The following PLXDC2 variants were observed in gnomAD, a reference collection of about 807,000 sequenced individuals.
PLXDC2 encodes the protein plexin domain-containing protein 2.
Under a neutral mutation model 68.9 loss-of-function variants are expected in PLXDC2, and 40 were observed. The ratio of observed to expected loss-of-function variants is 0.58; its 90% CI spans 0.45 to 0.76. The LOEUF is 0.76. Ranked by LOEUF, PLXDC2 falls within the 30% of genes least tolerant of loss-of-function variation. The pLI, the probability that PLXDC2 is intolerant of heterozygous loss-of-function variation, is 0.00. For synonymous variants in PLXDC2, 243 were observed against 234.2 expected, an observed-to-expected ratio of 1.04 and a Z score of -0.34; for missense variants, 644 against 661.9, an observed-to-expected ratio of 0.97 and a Z score of 0.30.
chr10:20,011,641 C>T (rs1171687133), intron 2 of PLXDC2, among the ~76,000 whole-genome samples: 1 of 152,112 alleles, frequency 6.6e-6, no homozygotes, highest in Non-Finnish European at 1.5e-5. Flanking sequence ...TCGATTAGGC[C>T]TTAAAGACTA....
intron 1 of PLXDC2, among the ~76,000 whole-genome samples, chr10:19,861,412 T>G (rs1243044834): frequency 6.6e-6 from 1 of 152,132 alleles, no homozygotes; most frequent in Non-Finnish European, 1.5e-5. Context: ...TCTTCTTGCC[T>G]GATTGGTCTT....
chr10:20,209,530 A>AAT (rs985534597), intron 9 of PLXDC2, among the ~76,000 whole-genome samples: 7 of 12,054 alleles, frequency 5.8e-4, no homozygotes, highest in African/African-American at 3.0e-3. Context: ...GTATAATAAT[A>AAT]AAAAAAAAGA....
At chr10:20,082,616 T>G (rs1425944058) in intron 4 of PLXDC2, among the ~76,000 whole-genome samples, 2 of 152,194 alleles carry the variant, frequency 1.3e-5, no homozygotes, top group Admixed American at 1.3e-4. Flanking sequence ...GTAAAGAAAC[T>G]CTCAAGCTTT....
intron 4 of PLXDC2, among the ~76,000 whole-genome samples, chr10:20,074,639 G>T (rs1836403989): frequency 2.6e-5 from 4 of 151,898 alleles, no homozygotes; most frequent in Admixed American, 6.6e-5. Flanking sequence ...GCTTTCAAAT[G>T]GTAATATTTT....
At chr10:20,230,373 A>T (rs1835344566) in intron 12 of PLXDC2, among the ~76,000 whole-genome samples, 1 of 152,142 alleles carries the variant, frequency 6.6e-6, no homozygotes, top group Non-Finnish European at 1.5e-5. Context: ...GGAAAATATG[A>T]AAAGGAAAAA....
chr10:20,113,866 A>G (rs1833589340), intron 4 of PLXDC2, among the ~76,000 whole-genome samples: 1 of 152,104 alleles, frequency 6.6e-6, no homozygotes, highest in Admixed American at 6.5e-5. Context: ...TGTCTCATGC[A>G]TGTAACCCCA....
intron 1 of PLXDC2, among the ~76,000 whole-genome samples, chr10:19,986,570 C>G (rs2293240): frequency 0.43 from 37,476 of 86,944 alleles, 5,182 homozygotes; most frequent in East Asian, 0.56. Context: ...AAAAGACATA[C>G]AAAAAGAAAT....
chr10:19,905,154 A>AT (rs1215509216), intron 1 of PLXDC2, among the ~76,000 whole-genome samples: 11 of 152,108 alleles, frequency 7.2e-5, no homozygotes, highest in Non-Finnish European at 1.5e-4. Flanking sequence ...GTTCACTGTA[A>AT]TTTTTTCCTT....
chr10:19,940,681 A>C (rs1833804649), intron 1 of PLXDC2, among the ~76,000 whole-genome samples: 1 of 152,186 alleles, frequency 6.6e-6, no homozygotes, highest in South Asian at 2.1e-4. Context: ...TTATTATCAA[A>C]TTCTTAGTAG....
At chr10:19,961,600 G>A (rs528061596) in intron 1 of PLXDC2, among the ~76,000 whole-genome samples, 1 of 152,332 alleles carries the variant, frequency 6.6e-6, no homozygotes, top group Admixed American at 6.5e-5. Context: ...GGAAGTTAGG[G>A]GAGACAAAGC....
At chr10:20,033,486 A>T (rs554425440) in intron 2 of PLXDC2, among the ~76,000 whole-genome samples, 2 of 152,194 alleles carry the variant, frequency 1.3e-5, no homozygotes, top group Admixed American at 6.5e-5. Flanking sequence ...CTAAATAAAG[A>T]CATACCCAAA....
Position 20,164,565 on chromosome 10 carries a change from C to G in PLXDC2, c.881C>G (p.Pro294Arg). 6.2e-7 allele frequency: 1 copy of G among 1,608,162 alleles called. No homozygotes were observed. Among genetic ancestry groups the G allele is most frequent in the South Asian group, 1.1e-5 (1 of 90,974 alleles). ...GTTGTCCACAGGATCCAACAAATTC[C>G]CAGTACGTAGAAGAAGGGCAGTCGC... ...FVVVHRIQQI[P>R]NVRRRTIYEY... The change falls in exon 7 of 14, where the codon CCC becomes CGC. Residue 294 changes from proline (P) to arginine (R), a missense_variant and splice_region_variant. Pro to Arg is a moderately radical substitution (Grantham distance 103, BLOSUM62 -2). Transcript: ENST00000377252.
At chr10:20,099,277 G>A (rs1415419832) in intron 4 of PLXDC2, among the ~76,000 whole-genome samples, 1 of 152,012 alleles carries the variant, frequency 6.6e-6, no homozygotes, top group African/African-American at 2.4e-5. Flanking sequence ...TTAACATTTT[G>A]TAGTATATTC....
intron 12 of PLXDC2, among the ~76,000 whole-genome samples, chr10:20,244,471 C>T (rs1219109742): frequency 1.3e-5 from 2 of 152,104 alleles, no homozygotes; most frequent in African/African-American, 2.4e-5. Context: ...TTTGCTGTGG[C>T]GCTCCTCTTA....
At chr10:19,824,703 A>G (rs1273952493) in intron 1 of PLXDC2, among the ~76,000 whole-genome samples, 2 of 152,194 alleles carry the variant, frequency 1.3e-5, no homozygotes, top group African/African-American at 4.8e-5. Context: ...TTCTTCCACT[A>G]TTTATTGTGT....
intron 3 of PLXDC2, among the ~76,000 whole-genome samples, chr10:20,067,230 G>A (rs778431257): frequency 1.3e-5 from 2 of 152,022 alleles, no homozygotes; most frequent in Non-Finnish European, 2.9e-5. Flanking sequence ...AAAACAAAGG[G>A]TGCAATCCAG....
chr10:20,142,038 C>T (rs1834013649), intron 4 of PLXDC2, among the ~76,000 whole-genome samples: 1 of 151,674 alleles, frequency 6.6e-6, no homozygotes, highest in Admixed American at 6.6e-5. Context: ...AAGATATTGC[C>T]AAAAAGAGAG....
intron 1 of PLXDC2, among the ~76,000 whole-genome samples, chr10:19,955,972 G>C (rs575635164): frequency 2.6e-5 from 4 of 152,180 alleles, no homozygotes; most frequent in African/African-American, 9.6e-5. Context: ...CCAGCTACTT[G>C]GGAGGCTGAG....
intron 1 of PLXDC2, among the ~76,000 whole-genome samples, chr10:19,895,430 C>T (rs1838041288): frequency 2.0e-5 from 3 of 152,038 alleles, no homozygotes; most frequent in African/African-American, 7.2e-5. Context: ...TTTTTAAAGC[C>T]AAGCAATGGA....
Sources: allele counts gnomAD v4.1 joint callset (sites outside exome capture counted in the v4.1 genomes callset), GRCh38; gene constraint gnomAD v4.1.1; transcripts MANE v1.5; gene names NCBI Gene and HGNC (gene_info 2026-07-23, HGNC 2026-07-21).